The following MYCBP2 variants were observed in gnomAD, a reference collection of about 807,000 sequenced individuals.
MYCBP2 encodes the protein MYC binding protein 2.
Under a neutral mutation model 525.3 loss-of-function variants are expected in MYCBP2, and 120 were observed. That is an observed-to-expected ratio of 0.23 (90% CI 0.20 to 0.27). MYCBP2 has a LOEUF of 0.27. Ranked by LOEUF, MYCBP2 falls within the 10% of genes least tolerant of loss-of-function variation. MYCBP2 has a pLI of 1.00. For missense variants in MYCBP2, 4,149 were observed against 5,657.1 expected, an observed-to-expected ratio of 0.73 and a Z score of 8.55; for synonymous variants, 1,894 against 1,955.8, an observed-to-expected ratio of 0.97 and a Z score of 0.83.
chr13:77,247,436 T>C (rs1200774885), intron 15 of MYCBP2, among the ~76,000 whole-genome samples: 2 of 151,938 alleles, frequency 1.3e-5, no homozygotes, highest in Non-Finnish European at 2.9e-5. Flanking sequence ...AAAGATGACA[T>C]AAGTAGAAAC....
chr13:77,218,446 C>G (rs1280515897), intron 20 of MYCBP2, among the ~76,000 whole-genome samples: 1 of 152,166 alleles, frequency 6.6e-6, no homozygotes, highest in African/African-American at 2.4e-5. Context: ...AACACAGTAT[C>G]ATGAGAGGCA....
intron 1 of MYCBP2, among the ~76,000 whole-genome samples, chr13:77,309,052 G>A (rs1261597635): frequency 1.3e-5 from 2 of 152,178 alleles, no homozygotes; most frequent in African/African-American, 4.8e-5. Flanking sequence ...AGGACACTAA[G>A]AACATCTCCT....
intron 35 of MYCBP2, 70 bp downstream of exon 35, chr13:77,177,678 T>C: frequency 7.8e-7 from 1 of 1,280,216 alleles, no homozygotes. Context: ...CCCCTGAACA[T>C]ACTATGACAA....
At chr13:77,225,218 A>G (rs1445546013) in intron 19 of MYCBP2, among the ~76,000 whole-genome samples, 2 of 152,216 alleles carry the variant, frequency 1.3e-5, no homozygotes, top group African/African-American at 4.8e-5. Flanking sequence ...ACAGGAAGAC[A>G]GACTAGAAGT....
At chr13:77,188,691 A>G (rs886767044) in intron 30 of MYCBP2, among the ~76,000 whole-genome samples, 3 of 152,208 alleles carry the variant, frequency 2.0e-5, no homozygotes, top group African/African-American at 7.2e-5. Context: ...ATGATTTACT[A>G]GAAAAGCAAA....
At chr13:77,301,792 G>A (rs2078839881) in intron 1 of MYCBP2, among the ~76,000 whole-genome samples, 1 of 152,150 alleles carries the variant, frequency 6.6e-6, no homozygotes, top group African/African-American at 2.4e-5. Flanking sequence ...GCAAGTACCT[G>A]AGATGCAGAG....
At chr13:77,256,214 T>A (rs984753469) in intron 14 of MYCBP2, among the ~76,000 whole-genome samples, 1 of 152,104 alleles carries the variant, frequency 6.6e-6, no homozygotes, top group Non-Finnish European at 1.5e-5. Context: ...ACAGGTAGCA[T>A]GTGCTGTTAA....
Position 77,270,279 on chromosome 13 carries a change from G to A in MYCBP2, c.1188+17C>T. The A allele has an allele frequency of 2.5e-6, 4 of 1,596,168 alleles. No homozygotes were observed. Among genetic ancestry groups the A allele is most frequent in the Admixed American group, 1.7e-5 (1 of 57,646 alleles). On this transcript the variant is annotated intron_variant, in intron 6 of 82. Coordinates refer to ENST00000544440, the MANE Select transcript of MYCBP2 (RefSeq NM_015057.5). ...TATAACTCTGTATAATTAAGGAACTGTAAGGAATCACATTACCCTAACTGT... is the reference window on the plus strand; with the variant it reads ...TATAACTCTGTATAATTAAGGAACTATAAGGAATCACATTACCCTAACTGT...
intron 55 of MYCBP2, among the ~76,000 whole-genome samples, chr13:77,119,089 G>T (rs948157150): frequency 6.6e-6 from 1 of 152,080 alleles, no homozygotes. Flanking sequence ...TTGCTTAGAT[G>T]AATAATTTAA....
intron 3 of MYCBP2, among the ~76,000 whole-genome samples, chr13:77,283,611 T>A (rs544228960): frequency 6.6e-6 from 1 of 152,264 alleles, no homozygotes; most frequent in East Asian, 1.9e-4. Flanking sequence ...ATTTAAAAAT[T>A]ATGCACCAGG....
intron 26 of MYCBP2, among the ~76,000 whole-genome samples, chr13:77,197,472 T>C (rs1478233013): frequency 6.6e-6 from 1 of 152,104 alleles, no homozygotes; most frequent in East Asian, 1.9e-4. Flanking sequence ...AGTTGAGATA[T>C]TATGACTGAT....
intron 62 of MYCBP2, among the ~76,000 whole-genome samples, chr13:77,086,279 G>T (rs544670281): frequency 1.3e-5 from 2 of 152,118 alleles, no homozygotes; most frequent in Admixed American, 1.3e-4. Context: ...AACAAACTCA[G>T]TATTTTAACT....
intron 1 of MYCBP2, among the ~76,000 whole-genome samples, chr13:77,315,710 C>G (rs965825682): frequency 1.3e-5 from 2 of 151,924 alleles, no homozygotes; most frequent in African/African-American, 4.8e-5. Context: ...GAGTGGCCAA[C>G]GTGGTGAAAT....
At chr13:77,320,987 C>CT (rs2081536694) in intron 1 of MYCBP2, among the ~76,000 whole-genome samples, 1 of 152,106 alleles carries the variant, frequency 6.6e-6, no homozygotes, top group African/African-American at 2.4e-5. Context: ...CCTGACAGAA[C>CT]TTTTTATATG....
chr13:77,093,581 T>C (rs777641111), intron 58 of MYCBP2, among the ~76,000 whole-genome samples: 4 of 152,204 alleles, frequency 2.6e-5, no homozygotes, highest in Non-Finnish European at 5.9e-5. Context: ...CTTTTCCATC[T>C]TCCAGTGTTT....
chr13:77,217,495 T>A (rs1389683229), intron 21 of MYCBP2, among the ~76,000 whole-genome samples: 1 of 152,170 alleles, frequency 6.6e-6, no homozygotes, highest in Non-Finnish European at 1.5e-5. Context: ...TAGTTCTATG[T>A]GTTAAGAAAA....
chr13:77,051,012 G>T lies in MYCBP2; in HGVS notation c.13906C>A (p.Pro4636Thr). The change falls in exon 82 of 83, where the codon CCA becomes ACA. Residue 4636 changes from proline to threonine, a missense_variant. This residue lies in a region of MYCBP2 where 45 missense variants were observed against 130.1 expected (regional missense o/e 0.35). Coordinates refer to ENST00000544440, the MANE Select transcript of MYCBP2 (RefSeq NM_015057.5). ...RMTSIPKEEL[P>T]HCPAGPKGKQ... ...AAAAGCATACCTGCAGGACAGTGTG[G>T]TAGTTCTTCCTTAGGAATGCTAGTC... is the stretch of plus-strand genomic sequence containing the variant. 1 of 1,612,334 alleles carries T rather than the reference G, an allele frequency of 6.2e-7. No homozygotes were observed. Among genetic ancestry groups the T allele is most frequent in the Non-Finnish European group, 8.5e-7 (1 of 1,179,312 alleles).
intron 55 of MYCBP2, among the ~76,000 whole-genome samples, chr13:77,102,688 CA>C (rs1241131351): frequency 7.9e-5 from 12 of 151,430 alleles, no homozygotes; most frequent in Non-Finnish European, 1.5e-5. Flanking sequence ...CCAGATAGGA[CA>C]GGTAGGTTTA....
At position 77,061,231 on chromosome 13, in the gene MYCBP2, C is replaced by G; in HGVS notation, c.12974G>C (p.Trp4325Ser). The change falls in exon 76 of 83, where the codon TGG becomes TCG. Residue 4325 changes from tryptophan to serine, a missense_variant. Trp to Ser is a radical substitution (Grantham distance 177, BLOSUM62 -3). Around this residue, in one of 21 missense-constraint regions of MYCBP2, gnomAD observed 220 missense variants for 396.0 expected, o/e 0.56. Coordinates refer to ENST00000544440, the MANE Select transcript of MYCBP2 (RefSeq NM_015057.5). The stretch of plus-strand genomic sequence containing the variant: ...TTTAGAATCTGCCAGTGCCATCAAC[C>G]AGAACAATTTGGTTCTACCACAACC... ...HEGCGRTKLF[W>S]LMALADSKTM... 6.2e-7 allele frequency: 1 copy of G among 1,612,722 alleles called. No individual in the cohort carries two copies.
Sources: gnomAD v4.1 joint callset for allele counts (sites outside exome capture counted in the v4.1 genomes callset) on GRCh38, gnomAD v4.1.1 for gene constraint, gnomAD v4.1.1 regional missense constraint, MANE v1.5 for transcripts, NCBI Gene and HGNC (gene_info 2026-07-23, HGNC 2026-07-21) for gene names.